The following GUCY1A2 variants were observed in gnomAD, a reference collection of about 807,000 sequenced individuals.
GUCY1A2 encodes the protein guanylate cyclase 1 soluble subunit alpha 2, also known as guanylate cyclase soluble subunit alpha-2.
GUCY1A2 carries 27 observed loss-of-function variants against 63.5 expected under a neutral mutation model. That is an observed-to-expected ratio of 0.43 (90% CI 0.31 to 0.59). GUCY1A2 has a LOEUF of 0.59. Ranked by LOEUF, GUCY1A2 falls within the 20% of genes least tolerant of loss-of-function variation. The probability of loss-of-function intolerance (pLI) is 0.11; values close to 1 mark genes in which losing one functional copy is unlikely to be tolerated. For synonymous variants in GUCY1A2, 364 were observed against 343.5 expected (o/e 1.06, Z -0.66); for missense variants, 768 against 913.3 (o/e 0.84, Z 2.05).
At chr11:106,924,908 G>A (rs1374893960) in intron 4 of GUCY1A2, among the ~76,000 whole-genome samples, 1 of 152,054 alleles carries the variant, frequency 6.6e-6, no homozygotes, top group Non-Finnish European at 1.5e-5. Context: ...AGGAGCCTGA[G>A]GTGGGAGAAA....
At chr11:106,729,680 T>C (rs1447443319) in intron 6 of GUCY1A2, among the ~76,000 whole-genome samples, 1 of 152,096 alleles carries the variant, frequency 6.6e-6, no homozygotes, top group Non-Finnish European at 1.5e-5. Flanking sequence ...GCTGTTTTTG[T>C]AAATTTAGAA....
intron 3 of GUCY1A2, among the ~76,000 whole-genome samples, chr11:106,967,699 G>A (rs768684966): frequency 6.9e-5 from 10 of 145,042 alleles, no homozygotes; most frequent in Non-Finnish European, 1.5e-4. Context: ...CAAAAGGGAG[G>A]CAGGAAGGAA....
intron 4 of GUCY1A2, among the ~76,000 whole-genome samples, chr11:106,862,328 AT>A (rs1231428179): frequency 1.6e-4 from 5 of 30,698 alleles, no homozygotes; most frequent in Non-Finnish European, 2.6e-4. Context: ...TGAATGAGAT[AT>A]AAAAAAAACA....
intron 4 of GUCY1A2, among the ~76,000 whole-genome samples, chr11:106,863,079 G>A (rs866763700): frequency 1.5e-4 from 23 of 151,976 alleles, no homozygotes; most frequent in Non-Finnish European, 2.6e-4. Context: ...GATTTGTATC[G>A]AGGCTAAACA....
intron 4 of GUCY1A2, among the ~76,000 whole-genome samples, chr11:106,855,689 C>T (rs1018933233): frequency 6.6e-6 from 1 of 152,100 alleles, no homozygotes; most frequent in Non-Finnish European, 1.5e-5. Context: ...GCATCCTTGT[C>T]AACAATTAAT....
At position 106,900,294 on chromosome 11, in the gene GUCY1A2, C is replaced by G. The variant is rs375956247; in HGVS notation, c.1206+39166G>C. On this transcript the variant is annotated intron_variant, in intron 4 of 7. Transcript: ENST00000526355. The stretch of plus-strand genomic sequence containing the variant: ...CACCTCCTGGGCTCCAGAGAGCCTC[C>G]TACCTCAGCCTCCTGGGTAGCTGAG... Among the ~76,000 whole-genome samples the G allele has an allele frequency of 3.5e-4, 54 of 152,230 alleles. No homozygotes were observed. In the East Asian group the frequency reaches 9.9e-3, roughly 28 times the overall value.
rs1407221126 is a variant in GUCY1A2 at position 106,844,313 on chromosome 11, T to C, written c.1207-33835A>G. Among the ~76,000 whole-genome samples the C allele has an allele frequency of 2.6e-5, 4 of 151,908 alleles. No individual in the cohort carries two copies. In the South Asian group the frequency reaches 6.2e-4, roughly 24 times the overall value. ...AAAATATAATACAGGAAAACATTTCTGAAGGGTTTTTTCCATGTTTTTATG... is the reference window on the plus strand; with the variant it reads ...AAAATATAATACAGGAAAACATTTCCGAAGGGTTTTTTCCATGTTTTTATG... On this transcript the variant is annotated intron_variant, in intron 4 of 7. Transcript: ENST00000526355.
intron 1 of GUCY1A2, among the ~76,000 whole-genome samples, chr11:106,997,932 C>T (rs182244035): frequency 2.8e-4 from 42 of 151,506 alleles, no homozygotes; most frequent in African/African-American, 7.0e-4. Context: ...AGTATGTATC[C>T]GCACATCAAT....
rs547546252 is a variant in GUCY1A2 at position 106,906,547 on chromosome 11, A to T, written c.1206+32913T>A. ...GTTCACCCATTCCTCAAGGATCTAGAACCAGAAATACCATTTGACCCAGAA... is the reference window on the plus strand; with the variant it reads ...GTTCACCCATTCCTCAAGGATCTAGTACCAGAAATACCATTTGACCCAGAA... On this transcript the variant is annotated intron_variant, in intron 4 of 7. Transcript: ENST00000526355. Among the ~76,000 whole-genome samples the T allele has an allele frequency of 2.1e-3, 324 of 152,274 alleles. 1 individual carries two copies. The highest frequency in any genetic ancestry group is 7.5e-3 in the African/African-American group (310 of 41,562).
intron 4 of GUCY1A2, among the ~76,000 whole-genome samples, chr11:106,898,361 T>A (rs549272109): frequency 2.0e-5 from 3 of 152,298 alleles, no homozygotes; most frequent in African/African-American, 7.2e-5. Flanking sequence ...CCCAAATAGG[T>A]TGAAAACATG....
At chr11:106,710,977 A>T (rs575099668) in intron 6 of GUCY1A2, among the ~76,000 whole-genome samples, 5 of 152,182 alleles carry the variant, frequency 3.3e-5, no homozygotes, top group Non-Finnish European at 7.4e-5. Flanking sequence ...ATAAAAAGAT[A>T]GGTTGAAACT....
rs568236174 is a variant in GUCY1A2 at position 106,792,184 on chromosome 11, G to A, written c.1693-15602C>T. Among the ~76,000 whole-genome samples, 8 of 152,074 alleles carry A rather than the reference G, an allele frequency of 5.3e-5. No individual in the cohort carries two copies. In the South Asian group the frequency reaches 1.2e-3, roughly 24 times the overall value. On this transcript the variant is annotated intron_variant, in intron 5 of 7. Transcript: ENST00000526355. ...AGGCAGATCACGAGGTCAGGAGTTC[G>A]AGACCAGCTTGGCCAACATAGTGAA...
At chr11:106,890,225 T>A (rs1453634298) in intron 4 of GUCY1A2, among the ~76,000 whole-genome samples, 1 of 152,214 alleles carries the variant, frequency 6.6e-6, no homozygotes, top group Non-Finnish European at 1.5e-5. Flanking sequence ...GGGTACTTCA[T>A]CAAAACCCAA....
intron 2 of GUCY1A2, among the ~76,000 whole-genome samples, chr11:106,979,875 A>T (rs1861312231): frequency 6.6e-6 from 1 of 152,028 alleles, no homozygotes; most frequent in Non-Finnish European, 1.5e-5. Context: ...CTTCAAAATA[A>T]AATCTTCAGA....
intron 4 of GUCY1A2, among the ~76,000 whole-genome samples, chr11:106,864,351 A>T (rs186708720): frequency 6.6e-6 from 1 of 152,208 alleles, no homozygotes; most frequent in Non-Finnish European, 1.5e-5. Flanking sequence ...ATATACAATC[A>T]TGTCATCTGC....
chr11:106,866,558 G>T (rs145606492), intron 4 of GUCY1A2, among the ~76,000 whole-genome samples: 1 of 152,000 alleles, frequency 6.6e-6, no homozygotes, highest in Non-Finnish European at 1.5e-5. Flanking sequence ...CAGTTCCCAA[G>T]GTCATTCTGC....
In GUCY1A2 at chr11:106,683,960, T is replaced by TATCA. The variant is rs1428421438; in HGVS notation, c.*3585_*3588dup. 3 of 199,398 alleles carry TATCA rather than the reference T, an allele frequency of 1.5e-5. No individual in the cohort carries two copies. Among genetic ancestry groups the TATCA allele is most frequent in the East Asian group, 7.7e-5 (1 of 12,934 alleles). 12.4% of individuals were successfully genotyped at this position (199,398 alleles called of 1,614,324 possible). On this transcript the variant is annotated 3_prime_UTR_variant, in exon 8 of 8. Coordinates refer to ENST00000526355, the MANE Select transcript of GUCY1A2 (RefSeq NM_000855.3). The stretch of plus-strand genomic sequence containing the variant: ...CTCCATGGCTTTGCCTTTTGTTATC[T>TATCA]ATCAATTTAATTTTGCTTTATTGCT...
intron 4 of GUCY1A2, chr11:106,826,295 T>C (rs1858969955): frequency 1.1e-6 from 1 of 875,728 alleles, no homozygotes; most frequent in Non-Finnish European, 1.7e-6. Context: ...ATTTTCAGTG[T>C]GGTCATCATT....
At position 106,923,583 on chromosome 11, in the gene GUCY1A2, C is replaced by CA. The variant is rs199684929; in HGVS notation, c.1206+15876dup. On this transcript the variant is annotated intron_variant, in intron 4 of 7. Transcript: ENST00000526355. The stretch of plus-strand genomic sequence containing the variant: ...GTACAAGTTTAATGCAATATTGCAG[C>CA]AATTTTTTTTAAAACATATGACAAA... 1.1e-4 allele frequency among the ~76,000 whole-genome samples: 16 copies of CA among 150,512 alleles called. No individual in the cohort carries two copies. The East Asian group carries it at 2.5e-3, about 23-fold the overall frequency.
Sources: gnomAD v4.1 joint callset for allele counts (sites outside exome capture counted in the v4.1 genomes callset) on GRCh38, gnomAD v4.1.1 for gene constraint, MANE v1.5 for transcripts, NCBI Gene and HGNC (gene_info 2026-07-23, HGNC 2026-07-21) for gene names.